The following ADIPOR1 variants were observed in gnomAD, a reference collection of about 807,000 sequenced individuals.
ADIPOR1 encodes adiponectin receptor 1.
In ADIPOR1, 15 loss-of-function variants were observed where a neutral mutation model predicts 37.5. That is an observed-to-expected ratio of 0.40 (90% CI 0.27 to 0.62). The LOEUF is 0.62. ADIPOR1 is among the 20% of genes least tolerant of loss of function. The probability of loss-of-function intolerance (pLI) is 0.42; values close to 1 mark genes in which losing one functional copy is unlikely to be tolerated. For synonymous variants in ADIPOR1, 173 were observed against 173.2 expected (o/e 1.00, Z 0.01); for missense variants, 286 against 478.0 (o/e 0.60, Z 3.75).
At chr1:202,947,083 T>C (rs1342611643) in intron 3 of ADIPOR1, among the ~76,000 whole-genome samples, 1 of 150,868 alleles carries the variant, frequency 6.6e-6, no homozygotes, top group Non-Finnish European at 1.5e-5. Context: ...ACCACTGCAC[T>C]CCAGCCTGGG....
chr1:202,954,399 C>T (rs1296671156), intron 1 of ADIPOR1: 1 of 152,204 alleles, frequency 6.6e-6, no homozygotes, highest in Admixed American at 6.5e-5. Flanking sequence ...GAAAATACCA[C>T]TTCTATGGGG....
intron 6 of ADIPOR1, among the ~76,000 whole-genome samples, chr1:202,943,012 GCACCTGC>G (rs977117654): frequency 6.6e-6 from 1 of 151,604 alleles, no homozygotes; most frequent in African/African-American, 2.4e-5. Context: ...GGAATTACAG[GCACCTGC>G]CACAACGCCG....
At chr1:202,949,356 G>A (rs1030185512) in intron 2 of ADIPOR1, among the ~76,000 whole-genome samples, 7 of 151,232 alleles carry the variant, frequency 4.6e-5, no homozygotes, top group Non-Finnish European at 1.0e-4. Flanking sequence ...CGAGGCGGGC[G>A]GATCACGAGG....
chr1:202,957,229 C>T (rs1654820008), intron 1 of ADIPOR1, among the ~76,000 whole-genome samples: 1 of 152,126 alleles, frequency 6.6e-6, no homozygotes, highest in African/African-American at 2.4e-5. Context: ...GTGAACCGAC[C>T]CCACTATTAC....
At chr1:202,947,003 C>A (rs909914167) in intron 3 of ADIPOR1, among the ~76,000 whole-genome samples, 13 of 152,080 alleles carry the variant, frequency 8.5e-5, no homozygotes, top group African/African-American at 3.1e-4. Flanking sequence ...GTAATCCCAG[C>A]TACTCAGGAG....
intron 2 of ADIPOR1, among the ~76,000 whole-genome samples, chr1:202,949,095 T>C (rs974039496): frequency 1.3e-5 from 2 of 151,482 alleles, no homozygotes; most frequent in African/African-American, 4.8e-5. Flanking sequence ...CAGCCTACGT[T>C]TTCAAAACAA....
chr1:202,953,123 C>T (rs1003333503), intron 1 of ADIPOR1, among the ~76,000 whole-genome samples: 2 of 152,170 alleles, frequency 1.3e-5, no homozygotes, highest in South Asian at 2.1e-4. Context: ...ATGGGCAACC[C>T]GTGTGAGAGG....
chr1:202,950,800 G>T, intron 2 of ADIPOR1, 130 bp downstream of exon 2: 1 of 1,272,702 alleles, frequency 7.9e-7, no homozygotes, highest in Non-Finnish European at 1.1e-6. Flanking sequence ...GTATCATAGG[G>T]ACTTGGATAG....
At chr1:202,957,361 T>C (rs545943329) in intron 1 of ADIPOR1, among the ~76,000 whole-genome samples, 7 of 152,236 alleles carry the variant, frequency 4.6e-5, no homozygotes, top group African/African-American at 1.7e-4. Flanking sequence ...ATGGTTAATC[T>C]AGTAAAGTAC....
intron 2 of ADIPOR1, 133 bp from the exon 3 acceptor site, chr1:202,948,553 C>T: frequency 1.4e-6 from 1 of 697,900 alleles, no homozygotes; most frequent in Non-Finnish European, 2.5e-6. Flanking sequence ...GTCTTGTGGT[C>T]TCTTCTCCAA....
At chr1:202,943,459 T>C (rs1404477239) in intron 6 of ADIPOR1, among the ~76,000 whole-genome samples, 3 of 152,224 alleles carry the variant, frequency 2.0e-5, no homozygotes, top group Admixed American at 2.0e-4. Flanking sequence ...GTCACTAAAA[T>C]TACTGTGCTT....
chr1:202,950,938 G>C lies in ADIPOR1; in HGVS notation c.133C>G (p.Pro45Ala). The stretch of plus-strand genomic sequence containing the variant: ...CTGGGAAGATGACTTACTTTGGGTG[G>C]GTTGGCGATTACCCGTTTGCCCTTC... ...EEKGKRVIAN[P>A]PKAEEEQTCP... is the part of the protein sequence containing the mutation. Residue 45 changes from proline to alanine, a missense_variant, in exon 2 of 8, where the codon CCA (proline) becomes GCA (alanine). Physicochemically the swap from Pro to Ala is conservative, Grantham distance 27. Transcript: ENST00000340990. 1 of 1,614,188 alleles carries C rather than the reference G, an allele frequency of 6.2e-7. No individual in the cohort carries two copies. Among genetic ancestry groups the C allele is most frequent in the Non-Finnish European group, 8.5e-7 (1 of 1,180,038 alleles).
intron 3 of ADIPOR1, among the ~76,000 whole-genome samples, chr1:202,947,310 T>C (rs1440165596): frequency 1.3e-5 from 2 of 151,656 alleles, no homozygotes; most frequent in East Asian, 1.9e-4. Flanking sequence ...TCACCTGAGG[T>C]TGGGAGTTCG....
rs769397311 is a variant in ADIPOR1, at chr1:202,941,563, G to A, written c.*10C>T. ...GGGAAGTTCCTCCTCCACCCCGCAG[G>A]TGGGAAGGCTCAGAGAAGGGTGTCA... is the stretch of plus-strand genomic sequence containing the variant. On this transcript the variant is annotated 3_prime_UTR_variant, in exon 8 of 8. Coordinates refer to ENST00000340990, the MANE Select transcript of ADIPOR1 (RefSeq NM_015999.6). 6.9e-6 allele frequency: 11 copies of A among 1,601,062 alleles called. No homozygotes were observed. Among genetic ancestry groups the A allele is most frequent in the South Asian group, 1.1e-5 (1 of 88,236 alleles).
intron 1 of ADIPOR1, among the ~76,000 whole-genome samples, chr1:202,956,918 G>C (rs1654808097): frequency 6.6e-6 from 1 of 152,162 alleles, no homozygotes; most frequent in South Asian, 2.1e-4. Context: ...TGACCATTGA[G>C]AATAGAAAGC....
chr1:202,944,022 T>A, intron 5 of ADIPOR1, 77 bp from the exon 6 acceptor site: 1 of 1,321,976 alleles, frequency 7.6e-7, no homozygotes, highest in South Asian at 1.4e-5. Context: ...GCTCTTTCTG[T>A]TCTCCACCTG....
intron 1 of ADIPOR1, among the ~76,000 whole-genome samples, chr1:202,952,508 A>G (rs1358947764): frequency 6.6e-6 from 1 of 152,182 alleles, no homozygotes; most frequent in Non-Finnish European, 1.5e-5. Context: ...ATTCCTTCTC[A>G]GGGATTATAA....
Position 202,942,172 on chromosome 1 carries a change from G to A in ADIPOR1, c.852C>T (p.His284=), listed in dbSNP as rs1394482535. ...LGLSGVVPTM[H]FTIAEGFVKA... The stretch of plus-strand genomic sequence containing the variant: ...TGACAAAGCCCTCAGCGATAGTAAA[G>A]TGCATGGTGGGCACGACGCCACTCA... The change falls in exon 7 of 8, where the codon CAC becomes CAT. Residue 284 remains histidine (H), a synonymous_variant. Transcript: ENST00000340990. The A allele has an allele frequency of 1.9e-6, 3 of 1,614,068 alleles. No homozygotes were observed. In the African/African-American group the frequency reaches 4.0e-5, roughly 22 times the overall value.
In ADIPOR1 at chr1:202,942,214, C is replaced by G; in HGVS notation, c.810G>C (p.Val270=). 1 of 1,613,368 alleles carries G rather than the reference C, an allele frequency of 6.2e-7. No individual in the cohort carries two copies. Among genetic ancestry groups the G allele is most frequent in the Non-Finnish European group, 8.5e-7 (1 of 1,179,570 alleles). The change falls in exon 7 of 8, where the codon GTG becomes GTC. Residue 270 remains valine (V), a synonymous_variant. Coordinates refer to ENST00000340990, the MANE Select transcript of ADIPOR1 (RefSeq NM_015999.6). ...TPKHRQTRAG[V]FLGLGLSGVV... is the part of the protein sequence containing the mutation. ...CGCCACTCAAGCCAAGTCCCAGGAA[C>G]ACGCCTGAACAGAACAGACATAAGA...
Sources: allele counts gnomAD v4.1 joint callset (sites outside exome capture counted in the v4.1 genomes callset), GRCh38; gene constraint gnomAD v4.1.1; transcripts MANE v1.5; gene names NCBI Gene and HGNC (gene_info 2026-07-23, HGNC 2026-07-21).